ATXN1: variants seen among roughly 807,000 people sequenced by gnomAD.
The protein encoded by ATXN1 is ataxin-1.
Under a neutral mutation model 56.4 loss-of-function variants are expected in ATXN1, and 8 were observed. The observed-to-expected ratio is 0.14, with a 90% CI of 0.08 to 0.26. The LOEUF (loss-of-function observed/expected upper bound fraction) is 0.26, where lower values mean the gene tolerates loss of function less well. Among genes scored for constraint, ATXN1 ranks in the 10% least tolerant of loss-of-function variants. The probability of loss-of-function intolerance (pLI) is 1.00; values close to 1 mark genes in which losing one functional copy is unlikely to be tolerated. For synonymous variants in ATXN1, 514 were observed against 494.6 expected (o/e 1.04, Z -0.52); for missense variants, 987 against 1,106.5 (o/e 0.89, Z 1.53).
chr6:16,417,966 A>G (rs1758949922), intron 6 of ATXN1, among the ~76,000 whole-genome samples: 1 of 152,162 alleles, frequency 6.6e-6, no homozygotes, highest in African/African-American at 2.4e-5. Flanking sequence ...CCTGAACCTC[A>G]GAGCTCTTGA....
At chr6:16,642,617 T>C (rs1320911958) in intron 3 of ATXN1, among the ~76,000 whole-genome samples, 1 of 152,206 alleles carries the variant, frequency 6.6e-6, no homozygotes, top group Non-Finnish European at 1.5e-5. Flanking sequence ...GAGAAATCTT[T>C]CATGAAAGGA....
In ATXN1 at chr6:16,299,359, A is replaced by G. The variant is rs531477936; in HGVS notation, c.*6970T>C. 3 of 152,752 alleles carry G rather than the reference A, an allele frequency of 2.0e-5. No individual in the cohort carries two copies. Among genetic ancestry groups the G allele is most frequent in the African/African-American group, 7.2e-5 (3 of 41,572 alleles). The allele number at this position is 152,752 out of a possible 1,614,324, so 9.5% of individuals were successfully genotyped here. A position where few individuals can be genotyped will look rare whatever the true frequency, so the allele number is the denominator to read the frequency against. ...ACCACGATTAGAAAATAGAATATGA[A>G]TTCTTCCATTTTTTAATATTTGTTT... On this transcript the variant is annotated 3_prime_UTR_variant, in exon 8 of 8. Coordinates refer to ENST00000436367, the MANE Select transcript of ATXN1 (RefSeq NM_001128164.2).
intron 4 of ATXN1, among the ~76,000 whole-genome samples, chr6:16,545,235 G>A (rs1267298102): frequency 6.6e-6 from 1 of 152,146 alleles, no homozygotes; most frequent in Non-Finnish European, 1.5e-5. Context: ...TGGTCTTACA[G>A]CGATCATGAA....
intron 4 of ATXN1, among the ~76,000 whole-genome samples, chr6:16,577,039 T>G (rs564095518): frequency 6.6e-6 from 1 of 152,282 alleles, no homozygotes; most frequent in Admixed American, 6.5e-5. Context: ...TTTACCGTGC[T>G]TCACTGTCTC....
chr6:16,316,996 C>A (rs147538801), intron 7 of ATXN1, among the ~76,000 whole-genome samples: 27 of 151,222 alleles, frequency 1.8e-4, no homozygotes, highest in Non-Finnish European at 3.4e-4. Flanking sequence ...CTCAGCGGAG[C>A]CATAGCCACC....
At chr6:16,712,884 T>C (rs1759556957) in intron 2 of ATXN1, among the ~76,000 whole-genome samples, 1 of 152,176 alleles carries the variant, frequency 6.6e-6, no homozygotes, top group Non-Finnish European at 1.5e-5. Flanking sequence ...TCACAATCTG[T>C]TCATTCCCTT....
At chr6:16,376,385 T>C (rs1200922994) in intron 6 of ATXN1, among the ~76,000 whole-genome samples, 1 of 152,232 alleles carries the variant, frequency 6.6e-6, no homozygotes, top group Non-Finnish European at 1.5e-5. Flanking sequence ...GGATTGTATT[T>C]TGACTAGCCT....
At chr6:16,602,694 C>T (rs1762933939) in intron 3 of ATXN1, among the ~76,000 whole-genome samples, 1 of 152,164 alleles carries the variant, frequency 6.6e-6, no homozygotes, top group Non-Finnish European at 1.5e-5. Context: ...TCATGAACCA[C>T]CCGCTTCGGC....
chr6:16,446,466 G>C (rs971696921), intron 6 of ATXN1, among the ~76,000 whole-genome samples: 2 of 152,164 alleles, frequency 1.3e-5, no homozygotes, highest in Non-Finnish European at 1.5e-5. Context: ...CCTGACATCA[G>C]CTTACTCGGG....
intron 4 of ATXN1, among the ~76,000 whole-genome samples, chr6:16,536,859 C>G (rs1452911620): frequency 1.3e-5 from 2 of 152,168 alleles, no homozygotes; most frequent in Non-Finnish European, 2.9e-5. Flanking sequence ...ATTTTTGTGG[C>G]TTGGATGGAT....
chr6:16,629,789 C>T (rs997923175), intron 3 of ATXN1, among the ~76,000 whole-genome samples: 15 of 151,492 alleles, frequency 9.9e-5, no homozygotes, highest in Non-Finnish European at 1.3e-4. Flanking sequence ...TGGTGGTGTG[C>T]GCCTGTAATC....
rs146934687 is a variant in ATXN1 at position 16,477,015 on chromosome 6, G to A, written c.-161+8957C>T. ...TGAGACTACAAAAACTCTTTTAGTC[G>A]TGAAGGGAAAGGCAACAATGCATAC... On this transcript the variant is annotated intron_variant, in intron 6 of 7. Coordinates refer to ENST00000436367, the MANE Select transcript of ATXN1 (RefSeq NM_001128164.2). Among the ~76,000 whole-genome samples, 477 of 152,334 alleles carry A rather than the reference G, an allele frequency of 3.1e-3. 2 individuals are homozygous for A. Among genetic ancestry groups the A allele is most frequent in the African/African-American group, 0.01 (423 of 41,574 alleles).
At chr6:16,371,541 T>C (rs1405814292) in intron 6 of ATXN1, among the ~76,000 whole-genome samples, 1 of 152,102 alleles carries the variant, frequency 6.6e-6, no homozygotes, top group Non-Finnish European at 1.5e-5. Context: ...ATATTTGACC[T>C]GAATTGATAC....
rs1760891369 is a variant in ATXN1 at position 16,328,130 on chromosome 6, C to G, written c.181G>C (p.Gly61Arg). The G allele has an allele frequency of 6.3e-7, 1 of 1,586,786 alleles. No individual in the cohort carries two copies. Among genetic ancestry groups the G allele is most frequent in the African/African-American group, 1.3e-5 (1 of 74,498 alleles). ...GGRGHGGGRH[G>R]PAGTSVELGL... The stretch of plus-strand genomic sequence containing the variant: ...AGCTCCACCGAGGTCCCTGCCGGCC[C>G]ATGCCTCCCGCCCCCGTGGCCCCGG... The change falls in exon 7 of 8, where the codon GGG (glycine) becomes CGG (arginine). Residue 61 changes from glycine to arginine, a missense_variant. Transcript: ENST00000436367. The surrounding 1 kb of genome is among the most constrained non-coding windows in gnomAD (Gnocchi z 6.2).
Position 16,382,786 on chromosome 6 carries a change from G to T in ATXN1, c.-160-54316C>A, listed in dbSNP as rs373923957. On this transcript the variant is annotated intron_variant, in intron 6 of 7. Coordinates refer to ENST00000436367, the MANE Select transcript of ATXN1 (RefSeq NM_001128164.2). ...ACTGGAAGGAGAAAAATTGTCTTGG[G>T]CTGCACATAAAAGACACTATCACTA... is the stretch of plus-strand genomic sequence containing the variant. Among the ~76,000 whole-genome samples the T allele has an allele frequency of 2.6e-5, 4 of 151,558 alleles. No individual in the cohort carries two copies. The East Asian group carries it at 7.8e-4, about 29-fold the overall frequency.
chr6:16,586,592 T>C (rs1312319391), intron 3 of ATXN1, among the ~76,000 whole-genome samples: 1 of 152,230 alleles, frequency 6.6e-6, no homozygotes, highest in Non-Finnish European at 1.5e-5. Flanking sequence ...ACAAGAAAAC[T>C]GACAGTAAAT....
intron 3 of ATXN1, among the ~76,000 whole-genome samples, chr6:16,637,335 G>A (rs910790201): frequency 6.1e-5 from 9 of 147,846 alleles, no homozygotes; most frequent in African/African-American, 1.5e-4. Context: ...ATCGCACACC[G>A]GGGCCTGTCA....
chr6:16,442,439 A>C (rs941691931), intron 6 of ATXN1, among the ~76,000 whole-genome samples: 1 of 152,204 alleles, frequency 6.6e-6, no homozygotes, highest in African/African-American at 2.4e-5. Context: ...ATATAGCCAG[A>C]ACGATATAAT....
chr6:16,562,740 T>G (rs1762147082), intron 4 of ATXN1, among the ~76,000 whole-genome samples: 2 of 151,854 alleles, frequency 1.3e-5, no homozygotes, highest in South Asian at 4.2e-4. Context: ...TCTGGATGAA[T>G]AGAACACAGA....
Sources: gnomAD v4.1 joint callset for allele counts (sites outside exome capture counted in the v4.1 genomes callset) on GRCh38, gnomAD v4.1.1 for gene constraint, Gnocchi (gnomAD v3.1) non-coding constraint, MANE v1.5 for transcripts, NCBI Gene and HGNC (gene_info 2026-07-23, HGNC 2026-07-21) for gene names.